SGCZ: variants seen among roughly 807,000 people sequenced by gnomAD.
SGCZ encodes the protein sarcoglycan zeta, also known as zeta-sarcoglycan.
In SGCZ, 40 loss-of-function variants were observed where a neutral mutation model predicts 41.3. The observed-to-expected ratio is 0.97, with a 90% CI of 0.75 to 1.26. SGCZ has a LOEUF of 1.26. Among genes scored for constraint, SGCZ ranks in the 50% most tolerant of loss-of-function variants. SGCZ has a pLI of 0.00. For synonymous variants in SGCZ, 206 were observed against 137.5 expected, an observed-to-expected ratio of 1.50 and a Z score of -3.49; for missense variants, 552 against 369.8, an observed-to-expected ratio of 1.49 and a Z score of -4.04.
intron 1 of SGCZ, among the ~76,000 whole-genome samples, chr8:14,833,756 AAAG>A (rs1802607085): frequency 6.6e-6 from 1 of 152,140 alleles, no homozygotes; most frequent in African/African-American, 2.4e-5. Context: ...AGGAAACTTC[AAAG>A]AAGAAAGAGG....
intron 1 of SGCZ, among the ~76,000 whole-genome samples, chr8:14,687,429 G>A (rs1397732400): frequency 1.3e-5 from 2 of 150,258 alleles, no homozygotes; most frequent in Non-Finnish European, 3.0e-5. Flanking sequence ...CCACCTATGA[G>A]TGAGAATATG....
At chr8:14,157,304 C>T (rs1022150282) in intron 5 of SGCZ, among the ~76,000 whole-genome samples, 12 of 145,170 alleles carry the variant, frequency 8.3e-5, no homozygotes, top group Non-Finnish European at 1.5e-4. Context: ...ATTTAATATA[C>T]AATATTATAT....
intron 2 of SGCZ, among the ~76,000 whole-genome samples, chr8:14,464,159 T>G: frequency 6.6e-6 from 1 of 151,706 alleles, no homozygotes; most frequent in East Asian, 1.9e-4. Flanking sequence ...TTCCCTCCTC[T>G]TCGACATTTG....
At chr8:14,348,155 A>AC (rs1802956152) in intron 2 of SGCZ, among the ~76,000 whole-genome samples, 4 of 151,894 alleles carry the variant, frequency 2.6e-5, no homozygotes, top group Admixed American at 2.6e-4. Context: ...ATCAATTCAC[A>AC]CCCCAGACAA....
chr8:15,194,814 CA>C (rs35017685), intron 1 of SGCZ, among the ~76,000 whole-genome samples: 4,357 of 152,198 alleles, frequency 0.029, 208 homozygotes, highest in African/African-American at 0.1. Context: ...CGATTTTAGC[CA>C]AATGAAACTC....
At chr8:14,835,870 T>A (rs1802685156) in intron 1 of SGCZ, among the ~76,000 whole-genome samples, 1 of 152,142 alleles carries the variant, frequency 6.6e-6, no homozygotes, top group Non-Finnish European at 1.5e-5. Context: ...AAAATAATAA[T>A]TTGCAAAAAT....
At chr8:15,095,378 C>T (rs1038850000) in intron 1 of SGCZ, among the ~76,000 whole-genome samples, 1 of 152,114 alleles carries the variant, frequency 6.6e-6, no homozygotes, top group East Asian at 1.9e-4. Context: ...GGATTACAGG[C>T]GTGAGCCACT....
chr8:14,488,119 A>G (rs1463652053), intron 2 of SGCZ, among the ~76,000 whole-genome samples: 1 of 109,144 alleles, frequency 9.2e-6, no homozygotes, highest in East Asian at 2.8e-4. Context: ...TGACACGAAA[A>G]GAGTTCTGAA....
At position 14,530,141 on chromosome 8, in the gene SGCZ, C is replaced by G. The variant is rs143458541; in HGVS notation, c.234+24591G>C. On this transcript the variant is annotated intron_variant, in intron 2 of 7. Coordinates refer to ENST00000382080, the MANE Select transcript of SGCZ (RefSeq NM_139167.4). ...CATGCATTTGCGTATTATGGTATTA[C>G]AGATAATCATCTGAACTCTCAGTAA... is the stretch of plus-strand genomic sequence containing the variant. 9.2e-3 allele frequency among the ~76,000 whole-genome samples: 1,399 copies of G among 151,992 alleles called. 21 individuals are homozygous for G. The highest frequency in any genetic ancestry group is 0.031 in the African/African-American group (1,282 of 41,484).
chr8:14,957,591 T>C (rs1800832492), intron 1 of SGCZ, among the ~76,000 whole-genome samples: 1 of 152,072 alleles, frequency 6.6e-6, no homozygotes, highest in South Asian at 2.1e-4. Flanking sequence ...TGTCATGTTT[T>C]ACTTGAGGTA....
chr8:14,581,731 G>C (rs555598079), intron 1 of SGCZ, among the ~76,000 whole-genome samples: 16 of 152,216 alleles, frequency 1.1e-4, no homozygotes, highest in South Asian at 4.2e-4. Flanking sequence ...AATTATGGCA[G>C]AGCTCTTTGA....
At position 14,249,713 on chromosome 8, in the gene SGCZ, C is replaced by T. The variant is rs186853451; in HGVS notation, c.337-12034G>A. Among the ~76,000 whole-genome samples the T allele has an allele frequency of 2.0e-5, 3 of 152,128 alleles. No homozygotes were observed. In the East Asian group the frequency reaches 5.8e-4, roughly 29 times the overall value. ...TTGAAGATCTCTAGCAAGTCTTACC[C>T]TTTTCTTCCTCAACTAAATAAATGT... On this transcript the variant is annotated intron_variant, in intron 3 of 7. Transcript: ENST00000382080.
intron 2 of SGCZ, among the ~76,000 whole-genome samples, chr8:14,423,287 AT>A (rs1317150735): frequency 6.6e-6 from 1 of 151,822 alleles, no homozygotes; most frequent in Admixed American, 6.6e-5. Flanking sequence ...CATTGTGCAC[AT>A]GTACCCTAAA....
At chr8:14,324,279 A>C (rs1802020107) in intron 2 of SGCZ, 75 bp from the exon 3 acceptor site, 2 of 1,011,214 alleles carry the variant, frequency 2.0e-6, no homozygotes, top group Non-Finnish European at 3.1e-6. Context: ...TCTTAGGCCT[A>C]AATTGAGAAA....
intron 1 of SGCZ, among the ~76,000 whole-genome samples, chr8:14,841,035 T>C (rs1286145833): frequency 2.0e-5 from 3 of 152,102 alleles, no homozygotes; most frequent in Non-Finnish European, 2.9e-5. Context: ...TGTGTAAACA[T>C]TTTGTTTGAA....
At chr8:14,348,319 T>C (rs996705383) in intron 2 of SGCZ, among the ~76,000 whole-genome samples, 2 of 152,104 alleles carry the variant, frequency 1.3e-5, no homozygotes, top group Non-Finnish European at 2.9e-5. Flanking sequence ...TCTCCCCAAG[T>C]GCTGGCATTT....
chr8:14,347,849 A>G (rs141619822), intron 2 of SGCZ, among the ~76,000 whole-genome samples: 421 of 152,256 alleles, frequency 2.8e-3, no homozygotes, highest in African/African-American at 9.6e-3. Flanking sequence ...AAAGAAGTGA[A>G]CGAAATACAT....
chr8:14,621,585 C>A (rs1168263654), intron 1 of SGCZ, among the ~76,000 whole-genome samples: 2 of 152,036 alleles, frequency 1.3e-5, no homozygotes, highest in African/African-American at 4.8e-5. Flanking sequence ...GACCGGAACG[C>A]CTCAAGAAAA....
At chr8:14,639,273 T>C (rs1014049297) in intron 1 of SGCZ, among the ~76,000 whole-genome samples, 26 of 151,638 alleles carry the variant, frequency 1.7e-4, no homozygotes, top group African/African-American at 5.8e-4. Context: ...ACCACTAATA[T>C]ATTATTAGTG....
Sources: gnomAD v4.1 joint callset for allele counts (sites outside exome capture counted in the v4.1 genomes callset) on GRCh38, gnomAD v4.1.1 for gene constraint, MANE v1.5 for transcripts, NCBI Gene and HGNC (gene_info 2026-07-23, HGNC 2026-07-21) for gene names.